SUMF1: variants seen among roughly 807,000 people sequenced by gnomAD.
The protein encoded by SUMF1 is formylglycine-generating enzyme.
Under a neutral mutation model 47.6 loss-of-function variants are expected in SUMF1, and 48 were observed. The observed-to-expected ratio is 1.01, with a 90% confidence interval of 0.80 to 1.28. The LOEUF (loss-of-function observed/expected upper bound fraction) is 1.28, where lower values mean the gene tolerates loss of function less well. Among genes scored for constraint, SUMF1 ranks in the 50% most tolerant of loss-of-function variants. The pLI, the probability that SUMF1 is intolerant of heterozygous loss-of-function variation, is 0.00. For synonymous variants in SUMF1, 230 were observed against 192.1 expected (o/e 1.20, Z -1.63); for missense variants, 571 against 485.4 (o/e 1.18, Z -1.66).
At chr3:4,275,724 G>A (rs1216570519) in intron 8 of SUMF1, among the ~76,000 whole-genome samples, 1 of 152,128 alleles carries the variant, frequency 6.6e-6, no homozygotes, top group East Asian at 1.9e-4. Context: ...ATTCTCTCGG[G>A]AAGAAGACAA....
chr3:4,162,927 G>A (rs569678548), intron 8 of SUMF1, among the ~76,000 whole-genome samples: 1 of 151,360 alleles, frequency 6.6e-6, no homozygotes, highest in African/African-American at 2.4e-5. Context: ...GGTTTTGAAA[G>A]TAATGAAAGA....
At chr3:4,234,996 A>C (rs4279083) in intron 8 of SUMF1, among the ~76,000 whole-genome samples, 54,899 of 151,936 alleles carry the variant, frequency 0.36, 10,808 homozygotes, top group Non-Finnish European at 0.45. Flanking sequence ...CATTGACTGA[A>C]TTTGTATTTT....
intron 7 of SUMF1, among the ~76,000 whole-genome samples, chr3:4,389,590 C>T (rs987336577): frequency 7.2e-5 from 11 of 152,138 alleles, no homozygotes; most frequent in African/African-American, 2.2e-4. Context: ...ATTCTCAATA[C>T]GTAAATGTGA....
At chr3:4,208,030 C>T (rs1397217108) in intron 8 of SUMF1, among the ~76,000 whole-genome samples, 1 of 152,130 alleles carries the variant, frequency 6.6e-6, no homozygotes, top group Non-Finnish European at 1.5e-5. Flanking sequence ...TCTTTTCATG[C>T]TTCTGGCAGG....
At chr3:4,271,748 T>G (rs1697308641) in intron 8 of SUMF1, among the ~76,000 whole-genome samples, 1 of 152,150 alleles carries the variant, frequency 6.6e-6, no homozygotes, top group African/African-American at 2.4e-5. Context: ...GCTATCCTCC[T>G]ACCTTGGTCT....
chr3:4,296,245 CTATTAA>C (rs1266591206), intron 8 of SUMF1, among the ~76,000 whole-genome samples: 1 of 148,418 alleles, frequency 6.7e-6, no homozygotes, highest in East Asian at 2.0e-4. Context: ...TTATAAAATT[CTATTAA>C]TATTATTTTG....
intron 8 of SUMF1, among the ~76,000 whole-genome samples, chr3:4,223,776 AAACACAGTGAGAC>A (rs1158885433): frequency 1.3e-5 from 2 of 152,170 alleles, no homozygotes; most frequent in African/African-American, 4.8e-5. Context: ...AGGTCTGAGC[AAACACAGTGAGAC>A]AACACAGCAA....
At chr3:4,321,470 T>TAAAAAAAACAAAAAAAAAAAAAAAAAA (rs1698828674) in intron 8 of SUMF1, among the ~76,000 whole-genome samples, 1 of 63,736 alleles carries the variant, frequency 1.6e-5, no homozygotes, top group Non-Finnish European at 3.1e-5. Flanking sequence ...AAGGAAATGC[T>TAAAAAAAACAAAAAAAAAAAAAAAAAA]AAAAAAAAAA....
chr3:4,380,004 T>A (rs1363317664), intron 7 of SUMF1, among the ~76,000 whole-genome samples: 3 of 152,206 alleles, frequency 2.0e-5, no homozygotes, highest in African/African-American at 7.2e-5. Flanking sequence ...ATCAAGTTTA[T>A]GACTGCAGGC....
At chr3:4,454,669 A>G (rs1703093768) in intron 1 of SUMF1, among the ~76,000 whole-genome samples, 1 of 152,274 alleles carries the variant, frequency 6.6e-6, no homozygotes, top group South Asian at 2.1e-4. Flanking sequence ...AAAAGCAGAA[A>G]CAATCCAAAT....
chr3:4,235,553 G>A (rs760711166), intron 8 of SUMF1, among the ~76,000 whole-genome samples: 1 of 152,064 alleles, frequency 6.6e-6, no homozygotes, highest in African/African-American at 2.4e-5. Context: ...AATTACGCAA[G>A]TGCTAAAAAT....
At chr3:4,128,436 C>A (rs1172385736) in intron 8 of SUMF1, among the ~76,000 whole-genome samples, 1 of 152,100 alleles carries the variant, frequency 6.6e-6, no homozygotes, top group Non-Finnish European at 1.5e-5. Flanking sequence ...GGCAACATCC[C>A]CTAACCAATC....
intron 8 of SUMF1, among the ~76,000 whole-genome samples, chr3:4,243,178 GGT>G (rs1696583038): frequency 6.6e-6 from 1 of 151,980 alleles, no homozygotes; most frequent in Non-Finnish European, 1.5e-5. Flanking sequence ...TCTTGCTAGT[GGT>G]CTATCTATTT....
At chr3:4,447,904 C>T (rs1412711024) in intron 3 of SUMF1, among the ~76,000 whole-genome samples, 2 of 152,004 alleles carry the variant, frequency 1.3e-5, no homozygotes, top group Non-Finnish European at 2.9e-5. Context: ...GACAAGAGGC[C>T]CTGTATCTGA....
chr3:4,196,804 A>C (rs1695439239), intron 8 of SUMF1, among the ~76,000 whole-genome samples: 1 of 152,138 alleles, frequency 6.6e-6, no homozygotes, highest in Non-Finnish European at 1.5e-5. Context: ...GAAAAGTACT[A>C]GAGATTAAAT....
At chr3:4,317,888 G>A (rs76475336) in intron 8 of SUMF1, among the ~76,000 whole-genome samples, 1,916 of 152,266 alleles carry the variant, frequency 0.013, 34 homozygotes, top group African/African-American at 0.03. Context: ...CTGTCTGTAG[G>A]ATGTGACCCA....
At chr3:4,096,437 C>G (rs1692906049) in intron 8 of SUMF1, among the ~76,000 whole-genome samples, 1 of 152,150 alleles carries the variant, frequency 6.6e-6, no homozygotes, top group African/African-American at 2.4e-5. Context: ...GGGTTACCTT[C>G]ACCCAGCCAA....
At chr3:4,342,467 AG>A (rs1393769712) in intron 8 of SUMF1, among the ~76,000 whole-genome samples, 1 of 152,218 alleles carries the variant, frequency 6.6e-6, no homozygotes, top group Non-Finnish European at 1.5e-5. Context: ...CAGAAGACAA[AG>A]GTTTCAGTGA....
intron 8 of SUMF1, among the ~76,000 whole-genome samples, chr3:4,136,520 A>G (rs1693936181): frequency 6.6e-6 from 1 of 152,052 alleles, no homozygotes; most frequent in Non-Finnish European, 1.5e-5. Flanking sequence ...TAAAAACCCT[A>G]GAAGAAAACC....
Sources: gnomAD v4.1 joint callset for allele counts (sites outside exome capture counted in the v4.1 genomes callset) on GRCh38, gnomAD v4.1.1 for gene constraint, MANE v1.5 for transcripts, NCBI Gene and HGNC (gene_info 2026-07-23, HGNC 2026-07-21) for gene names.